Variants in ATP13A5 observed in about 807,000 individuals in gnomAD.
The protein encoded by ATP13A5 is probable cation-transporting ATPase 13A5.
In ATP13A5, 149 loss-of-function variants were observed where a neutral mutation model predicts 150.2. The ratio of observed to expected loss-of-function variants is 0.99; its 90% CI spans 0.87 to 1.14. The LOEUF (loss-of-function observed/expected upper bound fraction) is 1.14, where lower values mean the gene tolerates loss of function less well. Ranked by LOEUF, ATP13A5 falls within the 50% of genes most tolerant of loss-of-function variation. The pLI, the probability that ATP13A5 is intolerant of heterozygous loss-of-function variation, is 0.00. For missense variants in ATP13A5, 1,383 were observed against 1,449.3 expected, an observed-to-expected ratio of 0.95 and a Z score of 0.74; for synonymous variants, 497 against 522.2, an observed-to-expected ratio of 0.95 and a Z score of 0.66.
intron 27 of ATP13A5, among the ~76,000 whole-genome samples, chr3:193,280,130 A>C (rs1717418456): frequency 6.6e-6 from 1 of 151,964 alleles, no homozygotes; most frequent in South Asian, 2.1e-4. Context: ...GGCTCACTGC[A>C]ACCTCCGCCT....
intron 5 of ATP13A5, among the ~76,000 whole-genome samples, chr3:193,357,040 C>T (rs1052325872): frequency 2.0e-5 from 3 of 152,006 alleles, no homozygotes; most frequent in Non-Finnish European, 4.4e-5. Context: ...GGTCTCAAAC[C>T]CCTGACCTCG....
In ATP13A5 at chr3:193,344,879, C is replaced by A. The variant is rs1712272671; in HGVS notation, c.814+124G>T. 3.8e-5 allele frequency: 37 copies of A among 969,672 alleles called. No homozygotes were observed. The South Asian group carries it at 5.5e-4, about 14-fold the overall frequency. 60.1% of individuals were successfully genotyped at this position (969,672 alleles called of 1,614,324 possible). A position where few individuals can be genotyped will look rare whatever the true frequency, so the allele number is the denominator to read the frequency against. ...ATCTTAGAGGGCTTCTTTGCCTCAC[C>A]CTCGTCCCAGTTCTGGGTTCAATCT... On this transcript the variant is annotated intron_variant, in intron 8 of 29. Coordinates refer to ENST00000342358, the MANE Select transcript of ATP13A5 (RefSeq NM_198505.4).
chr3:193,313,955 T>G (rs961456706), intron 19 of ATP13A5, 78 bp downstream of exon 19: 3 of 1,487,880 alleles, frequency 2.0e-6, no homozygotes, highest in Non-Finnish European at 2.8e-6. Flanking sequence ...ACTCCTGGAG[T>G]TGAGAGAAGG....
intron 5 of ATP13A5, among the ~76,000 whole-genome samples, chr3:193,360,146 C>T (rs929768866): frequency 3.3e-5 from 5 of 152,246 alleles, no homozygotes; most frequent in East Asian, 1.9e-4. Context: ...CAGTTCATGA[C>T]GGGTGAAGCT....
At chr3:193,322,409 A>T in intron 15 of ATP13A5, 82 bp downstream of exon 15, 2 of 1,065,442 alleles carry the variant, frequency 1.9e-6, no homozygotes, top group Non-Finnish European at 2.9e-6. Context: ...AAATAATAGG[A>T]CTATAAAAAT....
At chr3:193,338,682 G>A (rs1193854842) in intron 9 of ATP13A5, among the ~76,000 whole-genome samples, 2 of 152,170 alleles carry the variant, frequency 1.3e-5, no homozygotes, top group African/African-American at 4.8e-5. Flanking sequence ...AGGGATATTG[G>A]TCTAAAATTC....
At chr3:193,367,642 T>A (rs1210462374) in intron 1 of ATP13A5, among the ~76,000 whole-genome samples, 1 of 152,140 alleles carries the variant, frequency 6.6e-6, no homozygotes, top group Non-Finnish European at 1.5e-5. Flanking sequence ...TACCAAATAA[T>A]GTTTGTCCTA....
In ATP13A5 at chr3:193,370,327, C is replaced by T. The variant is rs1006163403; in HGVS notation, c.64-6047G>A. 4.6e-5 allele frequency among the ~76,000 whole-genome samples: 7 copies of T among 152,268 alleles called. No homozygotes were observed. In the East Asian group the frequency reaches 1.2e-3, roughly 25 times the overall value. Reference sequence around the variant, plus strand: ...GACACCAGAACCTCTTTTCTTTATACCCCACCCTGTTGCCTTCTAGAAGCT... The same window carrying T: ...GACACCAGAACCTCTTTTCTTTATATCCCACCCTGTTGCCTTCTAGAAGCT... On this transcript the variant is annotated intron_variant, in intron 1 of 29. Coordinates refer to ENST00000342358, the MANE Select transcript of ATP13A5 (RefSeq NM_198505.4).
Position 193,376,007 on chromosome 3 carries a change from AG to A in ATP13A5, c.63+2655del, listed in dbSNP as rs1056519433. ...GCGAGTAGAAGTTAGACCGGGCCAC[AG>A]GGAATCTTCGGGGAAGGAAGAGCAA... On this transcript the variant is annotated intron_variant, in intron 1 of 29. Transcript: ENST00000342358. Among the ~76,000 whole-genome samples, 83 of 152,320 alleles carry A rather than the reference AG, an allele frequency of 5.4e-4. 1 individual carries two copies. The highest frequency in any genetic ancestry group is 1.9e-3 in the African/African-American group (81 of 41,584).
chr3:193,352,389 A>G (rs1286481396), intron 6 of ATP13A5, among the ~76,000 whole-genome samples: 1 of 152,224 alleles, frequency 6.6e-6, no homozygotes, highest in Admixed American at 6.5e-5. Flanking sequence ...CCAGTAGAAT[A>G]CTGGTTAAAT....
At chr3:193,320,511 A>T (rs1719222859) in intron 16 of ATP13A5, among the ~76,000 whole-genome samples, 1 of 152,194 alleles carries the variant, frequency 6.6e-6, no homozygotes, top group African/African-American at 2.4e-5. Flanking sequence ...TACCAGTTTA[A>T]ATGTCAAGAA....
intron 22 of ATP13A5, chr3:193,306,978 GA>G: frequency 4.9e-6 from 2 of 404,112 alleles, no homozygotes; most frequent in Non-Finnish European, 6.7e-6. Context: ...GTGACCTTGG[GA>G]GGGGGGAAGA....
intron 5 of ATP13A5, among the ~76,000 whole-genome samples, chr3:193,359,903 T>C (rs958941811): frequency 6.6e-6 from 1 of 152,106 alleles, no homozygotes; most frequent in African/African-American, 2.4e-5. Context: ...TTTTATTTTC[T>C]GCAGCCTAAA....
intron 25 of ATP13A5, among the ~76,000 whole-genome samples, chr3:193,296,382 C>A (rs888166417): frequency 6.6e-6 from 1 of 152,040 alleles, no homozygotes; most frequent in Non-Finnish European, 1.5e-5. Context: ...GGAAGGGGTC[C>A]AGTTTCAATT....
At chr3:193,361,088 T>A (rs1033518442) in intron 5 of ATP13A5, among the ~76,000 whole-genome samples, 3 of 152,224 alleles carry the variant, frequency 2.0e-5, no homozygotes, top group African/African-American at 7.2e-5. Context: ...CCTGTGGAAG[T>A]GGTTACCTAG....
At chr3:193,359,732 T>C (rs1378272715) in intron 5 of ATP13A5, among the ~76,000 whole-genome samples, 4 of 152,082 alleles carry the variant, frequency 2.6e-5, no homozygotes, top group Non-Finnish European at 5.9e-5. Context: ...ATCAAAGCTT[T>C]TTTTCTTCCT....
chr3:193,292,676 A>T (rs1355369385), intron 25 of ATP13A5, among the ~76,000 whole-genome samples: 1 of 152,146 alleles, frequency 6.6e-6, no homozygotes, highest in African/African-American at 2.4e-5. Flanking sequence ...ACCAAGATCA[A>T]CTGATCTACA....
intron 18 of ATP13A5, among the ~76,000 whole-genome samples, chr3:193,314,581 T>C (rs544815001): frequency 3.8e-4 from 58 of 152,118 alleles, no homozygotes; most frequent in Admixed American, 2.2e-3. Flanking sequence ...CAGGCTGTGC[T>C]TGGGTTTGAC....
intron 16 of ATP13A5, among the ~76,000 whole-genome samples, chr3:193,319,502 A>G (rs1442664394): frequency 1.3e-5 from 2 of 152,240 alleles, no homozygotes; most frequent in Non-Finnish European, 2.9e-5. Flanking sequence ...GGATACAGGA[A>G]GAAGGCAACC....
Sources: allele counts gnomAD v4.1 joint callset (sites outside exome capture counted in the v4.1 genomes callset), GRCh38; gene constraint gnomAD v4.1.1; transcripts MANE v1.5; gene names NCBI Gene and HGNC (gene_info 2026-07-23, HGNC 2026-07-21).